The following NRXN3 variants were observed in gnomAD, a reference collection of about 807,000 sequenced individuals.
NRXN3 encodes the protein neurexin 3.
In NRXN3, 32 loss-of-function variants were observed where a neutral mutation model predicts 137.6. That is an observed-to-expected ratio of 0.23 (90% CI 0.18 to 0.31). NRXN3 has a LOEUF of 0.31. NRXN3 is among the 10% of genes least tolerant of loss of function. The pLI is 1.00. For synonymous variants in NRXN3, 798 were observed against 784.5 expected, an observed-to-expected ratio of 1.02 and a Z score of -0.29; for missense variants, 1,574 against 2,062.5, an observed-to-expected ratio of 0.76 and a Z score of 4.59.
chr14:79,801,969 A>G (rs2099183108), intron 19 of NRXN3, among the ~76,000 whole-genome samples: 1 of 151,588 alleles, frequency 6.6e-6, no homozygotes. Context: ...AGAGAAACTT[A>G]GTAGTATGAG....
intron 19 of NRXN3, among the ~76,000 whole-genome samples, chr14:79,793,216 G>C (rs1304589936): frequency 6.6e-6 from 1 of 152,060 alleles, no homozygotes; most frequent in Non-Finnish European, 1.5e-5. Flanking sequence ...CGGATCACGA[G>C]GTCAGGAGAT....
rs1319012282 is a variant in NRXN3, at chr14:78,170,559, G to GA, written c.-818dup. 6.6e-6 allele frequency: 1 copy of GA among 152,344 alleles called. No homozygotes were observed. Among genetic ancestry groups the GA allele is most frequent in the East Asian group, 1.9e-4 (1 of 5,186 alleles). 9.4% of individuals were successfully genotyped at this position (152,344 alleles called of 1,614,324 possible). A position where few individuals can be genotyped will look rare whatever the true frequency, so the allele number is the denominator to read the frequency against. On this transcript the variant is annotated 5_prime_UTR_variant, in exon 1 of 21. The change creates a premature stop within an existing upstream ORF in the 5' untranslated region. Coordinates refer to ENST00000335750, the MANE Select transcript of NRXN3 (RefSeq NM_001330195.2). ...CTCCCAGAGAGAAAGGAAAAGGAGAGAGAAAGATTCTGGAATTTGAACCTA... is the reference window on the plus strand; with the variant it reads ...CTCCCAGAGAGAAAGGAAAAGGAGAGAAGAAAGATTCTGGAATTTGAACCTA...
intron 4 of NRXN3, among the ~76,000 whole-genome samples, chr14:78,518,086 T>C (rs1400900185): frequency 6.6e-6 from 1 of 152,190 alleles, no homozygotes; most frequent in African/African-American, 2.4e-5. Context: ...AAGATTACTC[T>C]ATGGGGTTTG....
At chr14:79,158,117 T>C (rs2060423778) in intron 15 of NRXN3, among the ~76,000 whole-genome samples, 1 of 151,724 alleles carries the variant, frequency 6.6e-6, no homozygotes, top group African/African-American at 2.4e-5. Context: ...GCTCCACCCA[T>C]ACTCAAATGC....
intron 15 of NRXN3, among the ~76,000 whole-genome samples, chr14:79,215,617 G>A (rs148680831): frequency 0.058 from 8,829 of 152,178 alleles, 378 homozygotes; most frequent in Non-Finnish European, 0.086. Context: ...CAGATCTCAT[G>A]AGACTTATTC....
At chr14:79,290,023 A>AC (rs918697777) in intron 15 of NRXN3, among the ~76,000 whole-genome samples, 69 of 150,262 alleles carry the variant, frequency 4.6e-4, no homozygotes, top group Non-Finnish European at 5.2e-4. Flanking sequence ...TATTCCTCTC[A>AC]CCCCCCCACG....
chr14:79,059,390 TG>T (rs931785484), intron 15 of NRXN3, among the ~76,000 whole-genome samples: 2 of 151,642 alleles, frequency 1.3e-5, no homozygotes, highest in African/African-American at 4.8e-5. Flanking sequence ...CCCAAGTAGC[TG>T]AGACTACAGG....
intron 20 of NRXN3, among the ~76,000 whole-genome samples, chr14:79,851,363 AT>A (rs975041028): frequency 4.0e-4 from 60 of 151,634 alleles, no homozygotes; most frequent in East Asian, 3.3e-3. Flanking sequence ...TATATTATTA[AT>A]TTTTTTTTCC....
At chr14:79,490,839 A>G (rs534056919) in intron 16 of NRXN3, among the ~76,000 whole-genome samples, 1 of 152,328 alleles carries the variant, frequency 6.6e-6, no homozygotes, top group Non-Finnish European at 1.5e-5. Flanking sequence ...AACTCAATGG[A>G]TAAATGTTTG....
chr14:79,468,101 A>C (rs529601858), intron 16 of NRXN3, among the ~76,000 whole-genome samples: 2 of 152,352 alleles, frequency 1.3e-5, no homozygotes, highest in East Asian at 3.9e-4. Context: ...TGAGTAATTC[A>C]TGTGTATTGC....
intron 15 of NRXN3, among the ~76,000 whole-genome samples, chr14:79,194,927 A>AGAG (rs886617139): frequency 9.9e-5 from 15 of 152,192 alleles, no homozygotes; most frequent in Admixed American, 3.3e-4. Context: ...CTGTGGAGGA[A>AGAG]GAGGCTATAA....
chr14:79,065,148 T>TAGTA lies in NRXN3; in HGVS notation c.3262+77008_3262+77011dup, dbSNP rs575856751. On this transcript the variant is annotated intron_variant, in intron 15 of 20. Transcript: ENST00000335750. ...TATGTAGTTTATTCAGTTACTTACA[T>TAGTA]AGTACAGTGTACTATGTAAGTATAA... 6.6e-5 allele frequency among the ~76,000 whole-genome samples: 10 copies of TAGTA among 152,180 alleles called. 1 individual carries two copies. In the South Asian group the frequency reaches 2.1e-3, roughly 32 times the overall value.
intron 20 of NRXN3, among the ~76,000 whole-genome samples, chr14:79,822,352 C>T (rs936991610): frequency 2.6e-5 from 4 of 152,158 alleles, no homozygotes; most frequent in Non-Finnish European, 4.4e-5. Flanking sequence ...CAAAGTCAAA[C>T]TTACAGAACT....
rs78488669 is a variant in NRXN3, at chr14:79,726,236, G to C, written c.4014+28299G>C. On this transcript the variant is annotated intron_variant, in intron 19 of 20. Transcript: ENST00000335750. ...TTAGAGAATTAAATGTAGGGCTCTA[G>C]CAAGGATTTGCTTTAAAATGTTTCT... Among the ~76,000 whole-genome samples the C allele has an allele frequency of 5.3e-5, 8 of 152,256 alleles. No individual in the cohort carries two copies. The East Asian group carries it at 1.5e-3, about 29-fold the overall frequency.
intron 6 of NRXN3, among the ~76,000 whole-genome samples, chr14:78,674,759 C>T (rs1211037380): frequency 6.6e-6 from 1 of 152,122 alleles, no homozygotes; most frequent in African/African-American, 2.4e-5. Context: ...TTATGTCTTC[C>T]AGGTCACATT....
chr14:79,556,607 G>A (rs1447721104), intron 16 of NRXN3, among the ~76,000 whole-genome samples: 1 of 152,102 alleles, frequency 6.6e-6, no homozygotes, highest in African/African-American at 2.4e-5. Flanking sequence ...CCAGGCTAGA[G>A]TGTAGTGATG....
At chr14:79,348,377 TC>T (rs1450430297) in intron 15 of NRXN3, among the ~76,000 whole-genome samples, 3,358 of 122,462 alleles carry the variant, frequency 0.027, 142 homozygotes, top group African/African-American at 0.097. Context: ...TAATCTTCTC[TC>T]TTTTTTTTTT....
At chr14:78,497,177 A>C (rs2095798730) in intron 4 of NRXN3, among the ~76,000 whole-genome samples, 1 of 152,122 alleles carries the variant, frequency 6.6e-6, no homozygotes, top group South Asian at 2.1e-4. Context: ...TCATGGAAAA[A>C]TGCAAGGGTA....
chr14:78,531,500 T>C (rs551659767), intron 4 of NRXN3, among the ~76,000 whole-genome samples: 140 of 152,316 alleles, frequency 9.2e-4, no homozygotes, highest in South Asian at 8.9e-3. Flanking sequence ...TGAGAGAGAA[T>C]TCAAGTTTTA....
Sources: gnomAD v4.1 joint callset for allele counts (sites outside exome capture counted in the v4.1 genomes callset) on GRCh38, gnomAD v4.1.1 for gene constraint, MANE v1.5 for transcripts, NCBI Gene and HGNC (gene_info 2026-07-23, HGNC 2026-07-21) for gene names.